Variants in SBNO1 observed in about 807,000 individuals in gnomAD.
SBNO1 encodes the protein strawberry notch homolog 1, also known as protein strawberry notch homolog 1.
SBNO1 carries 23 observed loss-of-function variants against 173.6 expected under a neutral mutation model. The observed-to-expected ratio is 0.13, with a 90% CI of 0.10 to 0.19. SBNO1 has a LOEUF of 0.19. Among genes scored for constraint, SBNO1 ranks in the 10% least tolerant of loss-of-function variants. The pLI is 1.00. For missense variants in SBNO1, 1,238 were observed against 1,671.2 expected (o/e 0.74, Z 4.52); for synonymous variants, 632 against 571.5 (o/e 1.11, Z -1.51).
chr12:123,310,455 G>A (rs2049024375), intron 25 of SBNO1, among the ~76,000 whole-genome samples: 1 of 151,980 alleles, frequency 6.6e-6, no homozygotes, highest in East Asian at 1.9e-4. Flanking sequence ...GATGGTCTTG[G>A]ACTCCTGACC....
chr12:123,364,321 C>T (rs1593437353), intron 1 of SBNO1: 3 of 985,568 alleles, frequency 3.0e-6, no homozygotes, highest in Admixed American at 1.2e-4. Context: ...GGACCCGCAG[C>T]CCCCGGGTTG....
Position 123,345,442 on chromosome 12 carries a change from C to A in SBNO1, c.366G>T (p.Lys122Asn). The change falls in exon 4 of 32, where the codon AAG becomes AAT. Residue 122 changes from lysine to asparagine, a missense_variant. This residue lies in a region of SBNO1 where 287 missense variants were observed against 274.1 expected (regional missense o/e 1.05). Transcript: ENST00000602398. Reference sequence around the variant, plus strand: ...GTGTGCTTGCAGTAGTCTGGATAAACTTAGTTAAAGTGATGGTTTGCCTGT... The same window carrying A: ...GTGTGCTTGCAGTAGTCTGGATAAAATTAGTTAAAGTGATGGTTTGCCTGT... The part of the protein sequence containing the change: ...TTNRQTITLT[K>N]FIQTTASTRP... The A allele has an allele frequency of 6.2e-7, 1 of 1,614,154 alleles. No individual in the cohort carries two copies. The highest frequency in any genetic ancestry group is 8.5e-7 in the Non-Finnish European group (1 of 1,180,048).
chr12:123,360,902 G>T (rs1875075049), intron 1 of SBNO1, among the ~76,000 whole-genome samples: 1 of 151,998 alleles, frequency 6.6e-6, no homozygotes, highest in Admixed American at 6.6e-5. Context: ...CACGAGGTCA[G>T]GAGATCGAGA....
At position 123,291,836 on chromosome 12, in the gene SBNO1, T is replaced by C. The variant is rs2048517380; in HGVS notation, c.*4072A>G. 2 of 152,230 alleles carry C rather than the reference T, an allele frequency of 1.3e-5. No individual in the cohort carries two copies. The highest frequency in any genetic ancestry group is 4.1e-4 in the South Asian group (2 of 4,826). 9.4% of individuals were successfully genotyped at this position (152,230 alleles called of 1,614,324 possible). On this transcript the variant is annotated 3_prime_UTR_variant, in exon 32 of 32. Transcript: ENST00000602398. ...ATTCAGAATCCAGAAGAACTCAACA[T>C]TTCTCTATATATACATTTATGTACA...
In SBNO1 at chr12:123,315,303, T is replaced by C. The variant is rs1406713218; in HGVS notation, c.3120+70A>G. ...GTTTTGTTTTAGACAGTAACTACTT[T>C]CCTTTTGTGTTCCCGAAAGACACCA... is the stretch of plus-strand genomic sequence containing the variant. On this transcript the variant is annotated intron_variant, in intron 23 of 31. Coordinates refer to ENST00000602398, the MANE Select transcript of SBNO1 (RefSeq NM_001167856.3). 5.7e-6 allele frequency: 7 copies of C among 1,221,016 alleles called. No individual in the cohort carries two copies. The East Asian group carries it at 1.4e-4, about 24-fold the overall frequency. The allele number at this position is 1,221,016 out of a possible 1,614,324, so 75.6% of individuals were successfully genotyped here.
intron 20 of SBNO1, among the ~76,000 whole-genome samples, chr12:123,318,699 C>T (rs1869589123): frequency 1.4e-5 from 2 of 147,498 alleles, no homozygotes; most frequent in South Asian, 2.2e-4. Context: ...TGCCACTGCA[C>T]TGCACTCCAG....
chr12:123,362,190 A>G (rs1024071891), intron 1 of SBNO1, among the ~76,000 whole-genome samples: 2 of 150,690 alleles, frequency 1.3e-5, no homozygotes, highest in Admixed American at 6.6e-5. Flanking sequence ...CAATCCCAGC[A>G]CTTTGGGAGG....
chr12:123,296,649 C>T (rs1444462347), intron 31 of SBNO1, among the ~76,000 whole-genome samples: 4 of 151,912 alleles, frequency 2.6e-5, no homozygotes, highest in Non-Finnish European at 5.9e-5. Flanking sequence ...CAACCTCCGC[C>T]TCCCGGGTTG....
chr12:123,304,267 G>A (rs1367536945), intron 29 of SBNO1, among the ~76,000 whole-genome samples: 1 of 151,900 alleles, frequency 6.6e-6, no homozygotes, highest in Non-Finnish European at 1.5e-5. Flanking sequence ...GAAGTTTCGC[G>A]CTTGTTGCCC....
rs567125224 is a variant in SBNO1, at chr12:123,294,844, A to G, written c.*1064T>C. On this transcript the variant is annotated 3_prime_UTR_variant, in exon 32 of 32. Coordinates refer to ENST00000602398, the MANE Select transcript of SBNO1 (RefSeq NM_001167856.3). Reference sequence around the variant, plus strand: ...AGATAAACTCTACGTCTTACAACACATTAAACAATATTCAAGTTACTGAGT... The same window carrying G: ...AGATAAACTCTACGTCTTACAACACGTTAAACAATATTCAAGTTACTGAGT... 1 of 151,968 alleles carries G rather than the reference A, an allele frequency of 6.6e-6. No individual in the cohort carries two copies. The highest frequency in any genetic ancestry group is 2.1e-4 in the South Asian group (1 of 4,850). 9.4% of individuals were successfully genotyped at this position (151,968 alleles called of 1,614,324 possible). A position where few individuals can be genotyped will look rare whatever the true frequency, so the allele number is the denominator to read the frequency against.
At chr12:123,352,301 G>A (rs1208056774) in intron 1 of SBNO1, among the ~76,000 whole-genome samples, 2 of 152,192 alleles carry the variant, frequency 1.3e-5, no homozygotes, top group African/African-American at 4.8e-5. Flanking sequence ...CTACAAAAAT[G>A]GCATTAGCCA....
chr12:123,344,206 G>A (rs989010005), intron 4 of SBNO1, among the ~76,000 whole-genome samples: 3 of 152,122 alleles, frequency 2.0e-5, no homozygotes, highest in East Asian at 1.9e-4. Flanking sequence ...AGTCCCTTGC[G>A]AGTGATTCCA....
At chr12:123,313,492 T>C (rs1009510009) in intron 24 of SBNO1, 128 bp downstream of exon 24, 5 of 565,258 alleles carry the variant, frequency 8.8e-6, no homozygotes, top group African/African-American at 3.7e-5. Context: ...CTAGTAACCA[T>C]TAATTTCAAA....
intron 6 of SBNO1, among the ~76,000 whole-genome samples, chr12:123,334,506 A>G (rs967248134): frequency 6.6e-6 from 1 of 152,156 alleles, no homozygotes; most frequent in African/African-American, 2.4e-5. Context: ...TCAGGCGTTC[A>G]AGACCAGCCT....
At chr12:123,319,695 C>T (rs977571812) in intron 20 of SBNO1, among the ~76,000 whole-genome samples, 1 of 152,100 alleles carries the variant, frequency 6.6e-6, no homozygotes, top group Admixed American at 6.6e-5. Flanking sequence ...AGGCCTGAGC[C>T]ACTGCACCCA....
At chr12:123,325,328 G>A (rs151110485) in intron 15 of SBNO1, among the ~76,000 whole-genome samples, 174 bp downstream of exon 15, 14 of 152,218 alleles carry the variant, frequency 9.2e-5, no homozygotes, top group Non-Finnish European at 1.8e-4. Flanking sequence ...TGAGATTTCT[G>A]TTATTGTTTT....
At position 123,345,573 on chromosome 12, in the gene SBNO1, A is replaced by T. The variant is rs1345171892; in HGVS notation, c.238-3T>A. The stretch of plus-strand genomic sequence containing the variant: ...GTTGTAGTAGATGGAGGCTGCTGCT[A>T]GATAGAAAACAAAAAACACACCACT... On this transcript the variant is annotated splice_polypyrimidine_tract_variant and splice_region_variant and intron_variant, in intron 3 of 31. Transcript: ENST00000602398. 6.2e-7 allele frequency: 1 copy of T among 1,610,044 alleles called. No individual in the cohort carries two copies. Among genetic ancestry groups the T allele is most frequent in the Non-Finnish European group, 8.5e-7 (1 of 1,177,084 alleles).
At chr12:123,304,333 C>T (rs1691697995) in intron 29 of SBNO1, 1 of 332,274 alleles carries the variant, frequency 3.0e-6, no homozygotes, top group South Asian at 2.9e-5. Context: ...CTCCCGGGTT[C>T]AAGTGATTCT....
chr12:123,352,180 TCTGTACTCTTCTCAGAAAA>T (rs1477652653), intron 1 of SBNO1, among the ~76,000 whole-genome samples: 1 of 152,218 alleles, frequency 6.6e-6, no homozygotes, highest in Non-Finnish European at 1.5e-5. Context: ...TTATGAAAAA[TCTGTACTCTTCTCAGAAAA>T]CTAATTTCAT....
Sources: gnomAD v4.1 joint callset for allele counts (sites outside exome capture counted in the v4.1 genomes callset) on GRCh38, gnomAD v4.1.1 for gene constraint, gnomAD v4.1.1 regional missense constraint, MANE v1.5 for transcripts, NCBI Gene and HGNC (gene_info 2026-07-23, HGNC 2026-07-21) for gene names.